The following ATP13A1 variants were observed in gnomAD, a reference collection of about 807,000 sequenced individuals.
The protein encoded by ATP13A1 is ATPase 13A1.
Under a neutral mutation model 134.8 loss-of-function variants are expected in ATP13A1, and 55 were observed. That is an observed-to-expected ratio of 0.41 (90% CI 0.33 to 0.51). The LOEUF is 0.51. Among genes scored for constraint, ATP13A1 ranks in the 20% least tolerant of loss-of-function variants. The pLI is 0.29. For synonymous variants in ATP13A1, 775 were observed against 725.1 expected (o/e 1.07, Z -1.10); for missense variants, 1,389 against 1,652.8 (o/e 0.84, Z 2.77).
chr19:19,652,742 CT>C, intron 15 of ATP13A1, 22 bp from the exon 16 acceptor site: 1 of 1,592,012 alleles, frequency 6.3e-7, no homozygotes, highest in Non-Finnish European at 8.5e-7. Flanking sequence ...CAGGGGCACC[CT>C]CACCATCTGT....
Position 19,645,305 on chromosome 19 carries a change from G to A in ATP13A1, c.*117C>T, listed in dbSNP as rs2061976980. ...TGGGGGTCCCAGCTCAGTCTTCCAA[G>A]GGCGAGACTGTACAGCCTTGCTGTG... On this transcript the variant is annotated 3_prime_UTR_variant, in exon 26 of 26. Coordinates refer to ENST00000357324, the MANE Select transcript of ATP13A1 (RefSeq NM_020410.3). The surrounding 1 kb of genome is among the most constrained non-coding windows in gnomAD (Gnocchi z 4.1). The A allele has an allele frequency of 5.9e-6, 7 of 1,189,638 alleles. No individual in the cohort carries two copies. Among genetic ancestry groups the A allele is most frequent in the South Asian group, 2.9e-5 (2 of 68,430 alleles). The allele number at this position is 1,189,638 out of a possible 1,614,324, so 73.7% of individuals were successfully genotyped here. A position where few individuals can be genotyped will look rare whatever the true frequency, so the allele number is the denominator to read the frequency against.
chr19:19,657,098 A>G lies in ATP13A1; in HGVS notation c.802T>C (p.Phe268Leu). The G allele has an allele frequency of 6.5e-7, 1 of 1,535,224 alleles. No homozygotes were observed. The highest frequency in any genetic ancestry group is 8.8e-7 in the Non-Finnish European group (1 of 1,141,396). The change falls in exon 5 of 26, where the codon TTT becomes CTT. Residue 268 changes from phenylalanine (F) to leucine (L), a missense_variant. Phe to Leu is a conservative substitution (Grantham distance 22, BLOSUM62 0). This residue lies in a region of ATP13A1 where 747 missense variants were observed against 956.1 expected (regional missense o/e 0.78). Transcript: ENST00000357324. Reference protein sequence around the residue: ...CLDEYWYYSVFTLSMLVAFEA... With the variant: ...CLDEYWYYSVLTLSMLVAFEA... ...AACGCCACCAGCATGGATAGCGTAA[A>G]GACGCTGTAGTACCAGTACTCATCC... is the stretch of plus-strand genomic sequence containing the variant.
In ATP13A1 at chr19:19,656,096, C is replaced by T. The variant is rs765269160; in HGVS notation, c.1171G>A (p.Val391Met). ...GCTTTCTGTGGGGGGATGTGCTGCA[C>T]CACCTTGGTGCCCCCGAAGATGACG... Reference protein sequence around the residue: ...LHVIFGGTKVVQHIPPQKATT... With the variant: ...LHVIFGGTKVMQHIPPQKATT... The change falls in exon 8 of 26, where the codon GTG (valine) becomes ATG (methionine). Residue 391 changes from valine (V) to methionine (M), a missense_variant. Val to Met is a conservative substitution (Grantham distance 21, BLOSUM62 1). This residue lies in a region of ATP13A1 where 747 missense variants were observed against 956.1 expected (regional missense o/e 0.78). Transcript: ENST00000357324. This position sits in a 1 kb window ranked among gnomAD's most constrained non-coding sequence, Gnocchi z 4.6. The T allele has an allele frequency of 5.6e-6, 9 of 1,613,600 alleles. No homozygotes were observed. Among genetic ancestry groups the T allele is most frequent in the Non-Finnish European group, 7.6e-6 (9 of 1,179,806 alleles).
chr19:19,646,821 T>TACAC (rs1022144382), intron 22 of ATP13A1: 6 of 448,518 alleles, frequency 1.3e-5, no homozygotes, highest in Non-Finnish European at 2.4e-5. Context: ...CTGTCCTGTG[T>TACAC]AGCCTATGAC....
rs984910802 is a variant in ATP13A1 at position 19,663,287 on chromosome 19, G to A, written c.380C>T (p.Ala127Val). 13 of 1,584,520 alleles carry A rather than the reference G, an allele frequency of 8.2e-6. No homozygotes were observed. Among genetic ancestry groups the A allele is most frequent in the Middle Eastern group, 3.3e-4 (2 of 6,038 alleles). ...SGHWSVHAHCALTCTPEYDPS... is the reference protein window; with the variant it reads ...SGHWSVHAHCVLTCTPEYDPS... ...CACACTTACCGGGGTGCAGGTGAGC[G>A]CGCAATGCGCGTGCACAGACCAATG... Residue 127 changes from alanine (A) to valine (V), a missense_variant, in exon 1 of 26, where the codon GCG becomes GTG. Coordinates refer to ENST00000357324, the MANE Select transcript of ATP13A1 (RefSeq NM_020410.3).
At chr19:19,660,203 TGG>T (rs2062085628) in intron 1 of ATP13A1, among the ~76,000 whole-genome samples, 1 of 152,178 alleles carries the variant, frequency 6.6e-6, no homozygotes, top group African/African-American at 2.4e-5. Context: ...AGCACAAGGC[TGG>T]GCACGGTGAC....
Position 19,649,903 on chromosome 19 carries a change from G to A in ATP13A1, c.2373C>T (p.Ile791=), listed in dbSNP as rs751187750. 38 of 1,598,920 alleles carry A rather than the reference G, an allele frequency of 2.4e-5. No individual in the cohort carries two copies. Among genetic ancestry groups the A allele is most frequent in the Non-Finnish European group, 3.0e-5 (35 of 1,179,276 alleles). The change falls in exon 18 of 26, where the codon ATC becomes ATT. Residue 791 remains isoleucine, a synonymous_variant. Coordinates refer to ENST00000357324, the MANE Select transcript of ATP13A1 (RefSeq NM_020410.3). The part of the protein sequence containing the change: ...QCEWRSIDGS[I]VLPLARGSPK... ...GGGAGCCCCGGGCCAGGGGCAGCAC[G>A]ATGCTGCCGTCAATGGAGCGCCACT... is the stretch of plus-strand genomic sequence containing the variant.
chr19:19,657,416 A>G lies in ATP13A1; in HGVS notation c.678-8T>C. The G allele has an allele frequency of 6.4e-7, 1 of 1,562,012 alleles. No individual in the cohort carries two copies. The highest frequency in any genetic ancestry group is 8.7e-7 in the Non-Finnish European group (1 of 1,152,794). ...GGCACCACCATCTCGGCCCTGCAAG[A>G]GACCAGGCCCCATCCTGTTCCCAGG... On this transcript the variant is annotated splice_polypyrimidine_tract_variant and splice_region_variant and intron_variant, in intron 3 of 25. Coordinates refer to ENST00000357324, the MANE Select transcript of ATP13A1 (RefSeq NM_020410.3).
At chr19:19,649,008 G>A (rs1039949986) in intron 19 of ATP13A1, among the ~76,000 whole-genome samples, 5 of 151,878 alleles carry the variant, frequency 3.3e-5, no homozygotes, top group South Asian at 2.1e-4. Flanking sequence ...TGTAATCCCA[G>A]CTATTTGGGA....
Position 19,653,472 on chromosome 19 carries a change from T to G in ATP13A1, c.2100+312A>C. The stretch of plus-strand genomic sequence containing the variant: ...GGCGGAGGGTGGGCTTTGTGGAGGA[T>G]GGATGGGTGAGAGGGCTGAGGATGC... On this transcript the variant is annotated intron_variant, in intron 15 of 25. Coordinates refer to ENST00000357324, the MANE Select transcript of ATP13A1 (RefSeq NM_020410.3). This position sits in a 1 kb window ranked among gnomAD's most constrained non-coding sequence, Gnocchi z 4.2. 1 of 409,260 alleles carries G rather than the reference T, an allele frequency of 2.4e-6. No homozygotes were observed. Among genetic ancestry groups the G allele is most frequent in the Non-Finnish European group, 4.4e-6 (1 of 226,654 alleles). 25.4% of individuals were successfully genotyped at this position (409,260 alleles called of 1,614,324 possible). A position where few individuals can be genotyped will look rare whatever the true frequency, so the allele number is the denominator to read the frequency against.
chr19:19,646,107 CCCTGGACAA>C, intron 23 of ATP13A1, 89 bp downstream of exon 23: 2 of 1,596,470 alleles, frequency 1.3e-6, no homozygotes, highest in Admixed American at 1.7e-5. Flanking sequence ...TCCCTGGACA[CCCTGGACAA>C]CCCCCAGCCT....
intron 1 of ATP13A1, among the ~76,000 whole-genome samples, chr19:19,661,255 G>A (rs559076618): frequency 1.3e-5 from 2 of 152,268 alleles, no homozygotes; most frequent in African/African-American, 2.4e-5. Context: ...CACCCAGTAC[G>A]TCCTCAATTC....
chr19:19,657,248 C>T, intron 4 of ATP13A1, 88 bp downstream of exon 4: 1 of 1,493,760 alleles, frequency 6.7e-7, no homozygotes, highest in Non-Finnish European at 9.0e-7. Flanking sequence ...GGAGAGGCTT[C>T]CAGGTTTAGA....
chr19:19,650,252 C>T (rs530143327), intron 17 of ATP13A1: 4 of 485,800 alleles, frequency 8.2e-6, no homozygotes, highest in East Asian at 7.3e-5. Context: ...TAACCTGAAA[C>T]ACACAGAAGG....
At chr19:19,654,844 T>C (rs1473666190) in intron 12 of ATP13A1, 144 bp from the exon 13 acceptor site, 2 of 1,040,410 alleles carry the variant, frequency 1.9e-6, no homozygotes, top group Non-Finnish European at 1.4e-6. Flanking sequence ...TTATGAGACC[T>C]GCACCTGCTT....
In ATP13A1 at chr19:19,657,324, C is replaced by T. The variant is rs201950575; in HGVS notation, c.750+12G>A. ...GAGGAAATGGGGAGATGGGCCAGAG[C>T]TGCTGCTTTACCTGAAATACAAAGA... is the stretch of plus-strand genomic sequence containing the variant. On this transcript the variant is annotated intron_variant, in intron 4 of 25. Coordinates refer to ENST00000357324, the MANE Select transcript of ATP13A1 (RefSeq NM_020410.3). 1.3e-6 allele frequency: 2 copies of T among 1,562,994 alleles called. No homozygotes were observed. The highest frequency in any genetic ancestry group is 1.7e-6 in the Non-Finnish European group (2 of 1,153,238).
chr19:19,655,270 C>T lies in ATP13A1; in HGVS notation c.1535-31G>A. 1 of 1,613,954 alleles carries T rather than the reference C, an allele frequency of 6.2e-7. No individual in the cohort carries two copies. The highest frequency in any genetic ancestry group is 1.3e-5 in the African/African-American group (1 of 75,062). On this transcript the variant is annotated intron_variant, in intron 11 of 25. Coordinates refer to ENST00000357324, the MANE Select transcript of ATP13A1 (RefSeq NM_020410.3). The surrounding 1 kb of genome is among the most constrained non-coding windows in gnomAD (Gnocchi z 5.7). Reference sequence around the variant, plus strand: ...GGCGGGAGTGAGGTCAGGGGTCCTGCTTGGCCCCAGCCCACTCGGCACCCC... The same window carrying T: ...GGCGGGAGTGAGGTCAGGGGTCCTGTTTGGCCCCAGCCCACTCGGCACCCC...
In ATP13A1 at chr19:19,655,422, C is replaced by G. The variant is rs2062050948; in HGVS notation, c.1428G>C (p.Lys476Asn). The stretch of plus-strand genomic sequence containing the variant: ...GGATCAGGGTGCACTCCAGAAACAG[C>G]TTGTAGCGGTTCCGGCTGGGGTCCT... Reference protein sequence around the residue: ...GTKDPSRNRYKLFLECTLILT... With the variant: ...GTKDPSRNRYNLFLECTLILT... Residue 476 changes from lysine to asparagine, a missense_variant, in exon 11 of 26, where the codon AAG becomes AAC. By Grantham distance (94) the Lys-to-Asn change is moderately conservative. Transcript: ENST00000357324. The surrounding 1 kb of genome is among the most constrained non-coding windows in gnomAD (Gnocchi z 5.7). 1 of 1,613,850 alleles carries G rather than the reference C, an allele frequency of 6.2e-7. No homozygotes were observed. Among genetic ancestry groups the G allele is most frequent in the Non-Finnish European group, 8.5e-7 (1 of 1,179,880 alleles).
At chr19:19,658,010 G>A (rs994145971) in intron 3 of ATP13A1, among the ~76,000 whole-genome samples, 2 of 151,834 alleles carry the variant, frequency 1.3e-5, no homozygotes, top group African/African-American at 4.8e-5. Flanking sequence ...TTAGCTGGGG[G>A]TGGTGGTGTG....
Sources: allele counts gnomAD v4.1 joint callset (sites outside exome capture counted in the v4.1 genomes callset), GRCh38; gene constraint gnomAD v4.1.1; regional missense constraint gnomAD v4.1.1; non-coding constraint Gnocchi (gnomAD v3.1); transcripts MANE v1.5; gene names NCBI Gene and HGNC (gene_info 2026-07-23, HGNC 2026-07-21).